Variants in RERE observed in about 807,000 individuals in gnomAD.
The protein encoded by RERE is arginine-glutamic acid dipeptide repeats protein.
RERE carries 40 observed loss-of-function variants against 146.1 expected under a neutral mutation model. That is an observed-to-expected ratio of 0.27 (90% CI 0.21 to 0.36). The LOEUF (loss-of-function observed/expected upper bound fraction) is 0.36. RERE is among the 10% of genes least tolerant of loss of function. RERE has a pLI of 1.00. For synonymous variants in RERE, 1,003 were observed against 866.0 expected, an observed-to-expected ratio of 1.16 and a Z score of -2.78; for missense variants, 1,933 against 2,138.7, an observed-to-expected ratio of 0.90 and a Z score of 1.90.
chr1:8,446,925 C>T (rs1035034434), intron 11 of RERE, among the ~76,000 whole-genome samples: 6 of 152,058 alleles, frequency 3.9e-5, no homozygotes, highest in South Asian at 2.1e-4. Flanking sequence ...GTGATCCGCC[C>T]GCCTCGGCCT....
In RERE at chr1:8,749,379, G is replaced by C. The variant is rs575186729; in HGVS notation, c.-145+67781C>G. Reference sequence around the variant, plus strand: ...TGCTTTTATGGAACTCACAAGAAAGGCACCAAAAAATACATAAGTAAAAAT... The same window carrying C: ...TGCTTTTATGGAACTCACAAGAAAGCCACCAAAAAATACATAAGTAAAAAT... On this transcript the variant is annotated intron_variant, in intron 1 of 22. Transcript: ENST00000400908. Among the ~76,000 whole-genome samples the C allele has an allele frequency of 2.6e-5, 4 of 151,706 alleles. 1 individual carries two copies. The South Asian group carries it at 8.3e-4, about 32-fold the overall frequency.
At chr1:8,494,235 T>C (rs765733840) in intron 10 of RERE, among the ~76,000 whole-genome samples, 1 of 152,238 alleles carries the variant, frequency 6.6e-6, no homozygotes, top group Non-Finnish European at 1.5e-5. Context: ...TGTTCCAAAG[T>C]ATACTTTATA....
At chr1:8,484,729 A>C (rs1644876778) in intron 10 of RERE, among the ~76,000 whole-genome samples, 1 of 152,130 alleles carries the variant, frequency 6.6e-6, no homozygotes, top group Non-Finnish European at 1.5e-5. Context: ...AGCCAAATAA[A>C]ACAATTTTAC....
intron 12 of RERE, among the ~76,000 whole-genome samples, chr1:8,407,169 A>G (rs1643468586): frequency 1.3e-5 from 2 of 152,208 alleles, no homozygotes; most frequent in Admixed American, 1.3e-4. Context: ...TTTTTAGCAT[A>G]GAACCTTGAA....
At chr1:8,522,019 A>G (rs1439973047) in intron 7 of RERE, among the ~76,000 whole-genome samples, 2 of 152,268 alleles carry the variant, frequency 1.3e-5, no homozygotes, top group Non-Finnish European at 2.9e-5. Flanking sequence ...CCTTAGACTC[A>G]AAGTATCATA....
intron 1 of RERE, among the ~76,000 whole-genome samples, chr1:8,692,947 G>A (rs1639240282): frequency 6.6e-6 from 1 of 152,058 alleles, no homozygotes; most frequent in East Asian, 1.9e-4. Flanking sequence ...TAATGCATAA[G>A]ATTTATGGTC....
chr1:8,814,795 A>C (rs1641879591), intron 1 of RERE, among the ~76,000 whole-genome samples: 1 of 152,244 alleles, frequency 6.6e-6, no homozygotes, highest in Non-Finnish European at 1.5e-5. Flanking sequence ...TTCAAGAGAA[A>C]TTATCTCATA....
At chr1:8,402,934 T>C (rs1354028737) in intron 12 of RERE, among the ~76,000 whole-genome samples, 3 of 152,168 alleles carry the variant, frequency 2.0e-5, no homozygotes, top group Non-Finnish European at 4.4e-5. Context: ...AGTCTCGCTC[T>C]GTTTCCCAGG....
At chr1:8,601,736 A>AACAC (rs3082091) in intron 4 of RERE, among the ~76,000 whole-genome samples, 11,812 of 140,628 alleles carry the variant, frequency 0.084, 594 homozygotes, top group Middle Eastern at 0.14. Context: ...GTCCAAGGTC[A>AACAC]ACACACACAC....
chr1:8,762,343 C>G (rs1221640701), intron 1 of RERE, among the ~76,000 whole-genome samples: 1 of 152,178 alleles, frequency 6.6e-6, no homozygotes, highest in African/African-American at 2.4e-5. Flanking sequence ...TGAAAATATA[C>G]TTGCACACAG....
chr1:8,551,566 C>A (rs1035361735), intron 6 of RERE, among the ~76,000 whole-genome samples: 4 of 152,122 alleles, frequency 2.6e-5, no homozygotes, highest in African/African-American at 9.7e-5. Flanking sequence ...TAACTCAGTA[C>A]AAAATTACAC....
At chr1:8,614,430 T>C in intron 4 of RERE, 131 bp downstream of exon 4, 3 of 946,192 alleles carry the variant, frequency 3.2e-6, no homozygotes, top group Non-Finnish European at 3.1e-6. Context: ...TGCATGTACT[T>C]GTTACTCCTT....
In RERE at chr1:8,362,891, A is replaced by G. The variant is rs1641645037; in HGVS notation, c.1741-47T>C. On this transcript the variant is annotated intron_variant, in intron 15 of 22. Transcript: ENST00000400908. ...TGGTGACACCAGATTCCCAGTCCCCATGTGGACCCACCTGAGCCCAACCCA... is the reference window on the plus strand; with the variant it reads ...TGGTGACACCAGATTCCCAGTCCCCGTGTGGACCCACCTGAGCCCAACCCA... The G allele has an allele frequency of 2.5e-6, 4 of 1,577,850 alleles. No homozygotes were observed. The African/African-American group carries it at 4.0e-5, about 16-fold the overall frequency.
chr1:8,364,625 C>T lies in RERE; in HGVS notation c.1540+121G>A. 1.4e-6 allele frequency: 1 copy of T among 735,768 alleles called. No homozygotes were observed. The highest frequency in any genetic ancestry group is 2.4e-6 in the Non-Finnish European group (1 of 417,182). The allele number at this position is 735,768 out of a possible 1,614,324, so 45.6% of individuals were successfully genotyped here. A position where few individuals can be genotyped will look rare whatever the true frequency, so the allele number is the denominator to read the frequency against. ...TCTAACTTTCTCGAATCCCGAAGCA[C>T]AATGCAAATGTCAAATCAAGTACTG... On this transcript the variant is annotated intron_variant, in intron 14 of 22. Coordinates refer to ENST00000400908, the MANE Select transcript of RERE (RefSeq NM_001042681.2). The surrounding 1 kb of genome is among the most constrained non-coding windows in gnomAD (Gnocchi z 5.1).
At chr1:8,633,278 C>G (rs1461038458) in intron 2 of RERE, among the ~76,000 whole-genome samples, 1 of 152,160 alleles carries the variant, frequency 6.6e-6, no homozygotes, top group Non-Finnish European at 1.5e-5. Context: ...TTTTAAATAG[C>G]TGGGCACGGT....
chr1:8,497,971 G>C (rs2124245615), intron 8 of RERE, among the ~76,000 whole-genome samples: 1 of 152,326 alleles, frequency 6.6e-6, no homozygotes, highest in African/African-American at 2.4e-5. Context: ...AATTAAGTGA[G>C]CTATCCTATT....
At chr1:8,795,067 G>T (rs914502750) in intron 1 of RERE, among the ~76,000 whole-genome samples, 1 of 151,918 alleles carries the variant, frequency 6.6e-6, no homozygotes, top group African/African-American at 2.4e-5. Flanking sequence ...TTGCTCTGTC[G>T]CTCAGGCTGG....
intron 10 of RERE, among the ~76,000 whole-genome samples, chr1:8,476,870 A>AT: frequency 6.6e-6 from 1 of 152,344 alleles, no homozygotes; most frequent in South Asian, 2.1e-4. Context: ...CTTAACAAAG[A>AT]TTTTTTCAAA....
At chr1:8,361,699 C>A (rs772204512) in intron 17 of RERE, 64 bp downstream of exon 17, 3 of 1,466,402 alleles carry the variant, frequency 2.0e-6, no homozygotes, top group Admixed American at 1.7e-5. Flanking sequence ...CTAGGGAGAA[C>A]CCCGGCTGGG....
Sources: allele counts gnomAD v4.1 joint callset (sites outside exome capture counted in the v4.1 genomes callset), GRCh38; gene constraint gnomAD v4.1.1; non-coding constraint Gnocchi (gnomAD v3.1); transcripts MANE v1.5; gene names NCBI Gene and HGNC (gene_info 2026-07-23, HGNC 2026-07-21).